The following CACNA1D variants were observed in gnomAD, a reference collection of about 807,000 sequenced individuals.
CACNA1D encodes calcium voltage-gated channel subunit alpha1 D.
CACNA1D carries 55 observed loss-of-function variants against 257.1 expected under a neutral mutation model. The observed-to-expected ratio is 0.21, with a 90% CI of 0.17 to 0.27. The LOEUF (loss-of-function observed/expected upper bound fraction) is 0.27. CACNA1D is among the 10% of genes least tolerant of loss of function. The probability of loss-of-function intolerance (pLI) is 1.00; values close to 1 mark genes in which losing one functional copy is unlikely to be tolerated. For synonymous variants in CACNA1D, 980 were observed against 1,014.9 expected (o/e 0.97, Z 0.65); for missense variants, 1,876 against 2,784.0 (o/e 0.67, Z 7.34).
intron 3 of CACNA1D, among the ~76,000 whole-genome samples, chr3:53,620,557 C>T (rs766735405): frequency 2.0e-5 from 3 of 151,156 alleles, no homozygotes; most frequent in East Asian, 1.9e-4. Context: ...TCCCAAAGTG[C>T]TGGGATTACA....
At chr3:53,539,488 A>G (rs564886122) in intron 3 of CACNA1D, among the ~76,000 whole-genome samples, 20 of 152,336 alleles carry the variant, frequency 1.3e-4, no homozygotes, top group African/African-American at 3.8e-4. Context: ...ATGATACTCC[A>G]TTGGATGAGT....
chr3:53,811,557 A>G lies in CACNA1D; in HGVS notation c.*151A>G. Reference sequence around the variant, plus strand: ...TATAAGAGATGTCATGCCTCAAGAAAGCCATAAACCTGGTAGGAACAGGTC... The same window carrying G: ...TATAAGAGATGTCATGCCTCAAGAAGGCCATAAACCTGGTAGGAACAGGTC... On this transcript the variant is annotated 3_prime_UTR_variant, in exon 48 of 48. Coordinates refer to ENST00000350061, the MANE Select transcript of CACNA1D (RefSeq NM_001128840.3). This position sits in a 1 kb window ranked among gnomAD's most constrained non-coding sequence, Gnocchi z 4.2. 1 of 670,750 alleles carries G rather than the reference A, an allele frequency of 1.5e-6. No homozygotes were observed. The allele number at this position is 670,750 out of a possible 1,614,324, so 41.5% of individuals were successfully genotyped here.
At chr3:53,691,119 A>G (rs2094515102) in intron 8 of CACNA1D, among the ~76,000 whole-genome samples, 2 of 152,076 alleles carry the variant, frequency 1.3e-5, no homozygotes, top group South Asian at 4.2e-4. Flanking sequence ...TGATGGCAGA[A>G]AAGAGAGCCC....
intron 3 of CACNA1D, among the ~76,000 whole-genome samples, chr3:53,558,277 A>G (rs780507865): frequency 1.3e-5 from 2 of 152,222 alleles, no homozygotes; most frequent in South Asian, 4.1e-4. Flanking sequence ...CTGGCCTTAT[A>G]GTATTCCCTC....
chr3:53,527,510 T>G (rs947955483), intron 3 of CACNA1D, among the ~76,000 whole-genome samples: 10 of 152,248 alleles, frequency 6.6e-5, no homozygotes, highest in African/African-American at 2.4e-4. Flanking sequence ...TTTACAACAT[T>G]TCAAAGTTAT....
intron 3 of CACNA1D, among the ~76,000 whole-genome samples, chr3:53,559,125 C>G (rs985119331): frequency 1.3e-5 from 2 of 152,138 alleles, no homozygotes; most frequent in African/African-American, 4.8e-5. Flanking sequence ...CATTCACTCA[C>G]TATTCCTGCT....
At chr3:53,694,985 G>T (rs963753896) in intron 8 of CACNA1D, among the ~76,000 whole-genome samples, 1 of 152,156 alleles carries the variant, frequency 6.6e-6, no homozygotes, top group African/African-American at 2.4e-5. Context: ...GATGAGTATG[G>T]GGCGCATACC....
intron 3 of CACNA1D, among the ~76,000 whole-genome samples, chr3:53,537,785 G>T (rs977784044): frequency 6.6e-6 from 1 of 152,204 alleles, no homozygotes; most frequent in African/African-American, 2.4e-5. Context: ...TTAAAGAAAT[G>T]AGGTTACTTG....
Position 53,770,080 on chromosome 3 carries a change from A to C in CACNA1D, c.3915+63A>C, listed in dbSNP as rs2095357950. Reference sequence around the variant, plus strand: ...TCCTTAAGTTTATTTGACCATGTCGAGTTTTCCACTGGTTTTTCTGTATTC... The same window carrying C: ...TCCTTAAGTTTATTTGACCATGTCGCGTTTTCCACTGGTTTTTCTGTATTC... On this transcript the variant is annotated intron_variant, in intron 31 of 47. Coordinates refer to ENST00000350061, the MANE Select transcript of CACNA1D (RefSeq NM_001128840.3). 4 of 1,312,486 alleles carry C rather than the reference A, an allele frequency of 3.0e-6. No individual in the cohort carries two copies. In the East Asian group the frequency reaches 9.2e-5, roughly 30 times the overall value. The allele number at this position is 1,312,486 out of a possible 1,614,324, so 81.3% of individuals were successfully genotyped here.
intron 3 of CACNA1D, among the ~76,000 whole-genome samples, chr3:53,575,298 G>C (rs1218195740): frequency 3.3e-5 from 5 of 152,200 alleles, no homozygotes; most frequent in Non-Finnish European, 5.9e-5. Context: ...GGAGAGTTCA[G>C]AGAGGCACTT....
intron 39 of CACNA1D, 154 bp downstream of exon 39, chr3:53,781,821 G>T: frequency 1.4e-6 from 1 of 689,930 alleles, no homozygotes. Context: ...GCCATTTGGT[G>T]TGATTATTTT....
rs145897051 is a variant in CACNA1D, at chr3:53,586,013, A to G, written c.484-64766A>G. On this transcript the variant is annotated intron_variant, in intron 3 of 47. Coordinates refer to ENST00000350061, the MANE Select transcript of CACNA1D (RefSeq NM_001128840.3). Reference sequence around the variant, plus strand: ...TCCAGATCTTCTGCTCTCTTATTTGATTTAAGTAGATCCAAATATGGTTCA... The same window carrying G: ...TCCAGATCTTCTGCTCTCTTATTTGGTTTAAGTAGATCCAAATATGGTTCA... Among the ~76,000 whole-genome samples the G allele has an allele frequency of 2.5e-3, 377 of 152,078 alleles. 4 individuals are homozygous for G. Among genetic ancestry groups the G allele is most frequent in the African/African-American group, 8.6e-3 (356 of 41,462 alleles).
At chr3:53,755,327 G>T (rs35447065) in intron 29 of CACNA1D, among the ~76,000 whole-genome samples, 29,434 of 151,536 alleles carry the variant, frequency 0.19, 3,330 homozygotes, top group East Asian at 0.28. Flanking sequence ...GTGTATGTGT[G>T]TGTGTCAGTG....
intron 3 of CACNA1D, among the ~76,000 whole-genome samples, chr3:53,624,040 A>G (rs542569928): frequency 3.9e-5 from 6 of 152,326 alleles, no homozygotes; most frequent in Admixed American, 1.3e-4. Context: ...AAAGTTACCC[A>G]TCTGTAGTGC....
chr3:53,598,588 G>GAAA (rs5848998), intron 3 of CACNA1D, among the ~76,000 whole-genome samples: 3 of 116,430 alleles, frequency 2.6e-5, no homozygotes, highest in African/African-American at 9.3e-5. Flanking sequence ...CTCATCTCCA[G>GAAA]AAAAAAAAAA....
intron 9 of CACNA1D, among the ~76,000 whole-genome samples, chr3:53,704,115 G>A (rs2094658143): frequency 6.6e-6 from 1 of 152,160 alleles, no homozygotes; most frequent in Non-Finnish European, 1.5e-5. Context: ...GTCGGGGTGA[G>A]CTGCCATAGG....
intron 3 of CACNA1D, among the ~76,000 whole-genome samples, chr3:53,637,604 C>A (rs1409657840): frequency 1.3e-5 from 2 of 152,136 alleles, no homozygotes; most frequent in African/African-American, 4.8e-5. Context: ...TGTGGAAAGG[C>A]CTGTGTGGGT....
intron 40 of CACNA1D, among the ~76,000 whole-genome samples, chr3:53,787,638 G>A (rs1290546630): frequency 6.6e-6 from 1 of 152,070 alleles, no homozygotes; most frequent in East Asian, 1.9e-4. Context: ...TACCAGCCAG[G>A]GTCCTTGCAT....
chr3:53,675,274 C>T (rs1406459360), intron 8 of CACNA1D, among the ~76,000 whole-genome samples: 4 of 152,222 alleles, frequency 2.6e-5, no homozygotes, highest in Non-Finnish European at 5.9e-5. Flanking sequence ...TCCACCTCAA[C>T]GTGAGAAGTG....
Sources: allele counts gnomAD v4.1 joint callset (sites outside exome capture counted in the v4.1 genomes callset), GRCh38; gene constraint gnomAD v4.1.1; non-coding constraint Gnocchi (gnomAD v3.1); transcripts MANE v1.5; gene names NCBI Gene and HGNC (gene_info 2026-07-23, HGNC 2026-07-21).